ACOXL: variants seen among roughly 807,000 people sequenced by gnomAD.
The protein encoded by ACOXL is acyl-CoA oxidase like.
Under a neutral mutation model 71.9 loss-of-function variants are expected in ACOXL, and 70 were observed. The ratio of observed to expected loss-of-function variants is 0.97; its 90% CI spans 0.80 to 1.19. The LOEUF is 1.19. ACOXL is among the 50% of genes most tolerant of loss of function. The pLI is 0.00. For synonymous variants in ACOXL, 253 were observed against 281.6 expected (o/e 0.90, Z 1.02); for missense variants, 703 against 736.3 (o/e 0.95, Z 0.52).
chr2:110,778,224 A>G (rs1682890648), intron 2 of ACOXL, among the ~76,000 whole-genome samples: 1 of 152,218 alleles, frequency 6.6e-6, no homozygotes, highest in Non-Finnish European at 1.5e-5. Context: ...AGGCTTGGAT[A>G]GATGAGTCAG....
In ACOXL at chr2:110,774,120, G is replaced by T. The variant is rs954239816; in HGVS notation, c.75+5656G>T. ...TGTAAAAAACCAATAATTATTTCTCGCTACCTTTTGCTAAGTCCCTTCCGT... is the reference window on the plus strand; with the variant it reads ...TGTAAAAAACCAATAATTATTTCTCTCTACCTTTTGCTAAGTCCCTTCCGT... On this transcript the variant is annotated intron_variant, in intron 2 of 17. Coordinates refer to ENST00000439055, the MANE Select transcript of ACOXL (RefSeq NM_001142807.4). 2.6e-5 allele frequency among the ~76,000 whole-genome samples: 4 copies of T among 152,084 alleles called. No individual in the cohort carries two copies. In the East Asian group the frequency reaches 7.7e-4, roughly 29 times the overall value.
chr2:110,983,951 G>A (rs1336372148), intron 12 of ACOXL, among the ~76,000 whole-genome samples: 1 of 152,102 alleles, frequency 6.6e-6, no homozygotes, highest in Non-Finnish European at 1.5e-5. Context: ...CCGGGTTCAA[G>A]TGATTCTCCT....
chr2:110,944,422 T>G (rs140889169), intron 12 of ACOXL, among the ~76,000 whole-genome samples: 2 of 152,100 alleles, frequency 1.3e-5, no homozygotes, highest in Non-Finnish European at 1.5e-5. Flanking sequence ...TTGTGTGTTA[T>G]GGGGGTTTGG....
intron 12 of ACOXL, among the ~76,000 whole-genome samples, chr2:110,941,694 C>A (rs2060875622): frequency 6.6e-6 from 1 of 152,066 alleles, no homozygotes; most frequent in African/African-American, 2.4e-5. Flanking sequence ...GGAAGAAAAT[C>A]AATCTAAAAT....
chr2:110,996,850 A>AGAG (rs2063417977), intron 14 of ACOXL, among the ~76,000 whole-genome samples: 1 of 152,200 alleles, frequency 6.6e-6, no homozygotes, highest in African/African-American at 2.4e-5. Context: ...TGCTTTGGAA[A>AGAG]CAGAAGTGCC....
At chr2:111,028,983 C>A (rs1232473388) in intron 14 of ACOXL, among the ~76,000 whole-genome samples, 1 of 152,204 alleles carries the variant, frequency 6.6e-6, no homozygotes, top group African/African-American at 2.4e-5. Context: ...CACCCTGTTC[C>A]AACTCAGCTC....
chr2:110,931,221 G>T (rs925427752), intron 11 of ACOXL, among the ~76,000 whole-genome samples: 1 of 152,200 alleles, frequency 6.6e-6, no homozygotes, highest in African/African-American at 2.4e-5. Flanking sequence ...TAAGGGTACA[G>T]CAAAGAGTAA....
intron 14 of ACOXL, among the ~76,000 whole-genome samples, chr2:111,013,937 G>T (rs1375996826): frequency 1.3e-5 from 2 of 152,196 alleles, no homozygotes; most frequent in Non-Finnish European, 2.9e-5. Context: ...TGGTTTAATA[G>T]TCAAAACATG....
chr2:110,750,090 G>C (rs1322480813), intron 1 of ACOXL, among the ~76,000 whole-genome samples: 2 of 152,146 alleles, frequency 1.3e-5, no homozygotes, highest in African/African-American at 2.4e-5. Context: ...TGTAGTGCTT[G>C]TCAGGTTTCT....
At chr2:110,786,672 G>A (rs1683998794) in intron 3 of ACOXL, among the ~76,000 whole-genome samples, 1 of 152,196 alleles carries the variant, frequency 6.6e-6, no homozygotes, top group East Asian at 1.9e-4. Flanking sequence ...TGGGTGGGGA[G>A]CCCTCTCCTC....
chr2:111,117,631 G>A lies in ACOXL; in HGVS notation c.1558G>A (p.Asp520Asn). ...TGTTTTGCAGTTGCTGGATTTGTGC[G>A]ACTCGGTGAAGGATGATGCCCGGAG... Reference protein sequence around the residue: ...RIRNQLLDLCDSVKDDARRVI... With the variant: ...RIRNQLLDLCNSVKDDARRVI... The change falls in exon 18 of 18, where the codon GAC becomes AAC. Residue 520 changes from aspartate to asparagine, a missense_variant. Physicochemically the swap from Asp to Asn is conservative, Grantham distance 23 (BLOSUM62 1). Coordinates refer to ENST00000439055, the MANE Select transcript of ACOXL (RefSeq NM_001142807.4). 6.4e-7 allele frequency: 1 copy of A among 1,551,758 alleles called. No individual in the cohort carries two copies. The highest frequency in any genetic ancestry group is 1.2e-5 in the South Asian group (1 of 84,048).
intron 1 of ACOXL, among the ~76,000 whole-genome samples, chr2:110,740,389 C>T (rs902968832): frequency 6.6e-6 from 1 of 152,172 alleles, no homozygotes; most frequent in Non-Finnish European, 1.5e-5. Context: ...GGAGATGGGC[C>T]GGTGAGTGGT....
At chr2:110,980,805 C>T (rs1205123460) in intron 12 of ACOXL, among the ~76,000 whole-genome samples, 18 of 152,194 alleles carry the variant, frequency 1.2e-4, no homozygotes, top group Admixed American at 9.8e-4. Flanking sequence ...TCTCTAAAGC[C>T]GCTCTGCCCG....
At chr2:110,843,855 C>T (rs1691476737) in intron 10 of ACOXL, among the ~76,000 whole-genome samples, 1 of 148,028 alleles carries the variant, frequency 6.8e-6, no homozygotes, top group African/African-American at 2.7e-5. Flanking sequence ...CAACAATAAA[C>T]AAACAAAAAT....
chr2:110,788,380 C>CT (rs1274637153), intron 3 of ACOXL, among the ~76,000 whole-genome samples: 2 of 152,094 alleles, frequency 1.3e-5, no homozygotes, highest in African/African-American at 2.4e-5. Flanking sequence ...GTAAGCCAGA[C>CT]ATAAGAGGAC....
At chr2:110,900,653 A>G (rs1228786425) in intron 10 of ACOXL, among the ~76,000 whole-genome samples, 1 of 152,184 alleles carries the variant, frequency 6.6e-6, no homozygotes, top group African/African-American at 2.4e-5. Context: ...TGGTCCCAGG[A>G]TGGTCTCCTA....
chr2:110,754,801 G>A (rs1679453046), intron 1 of ACOXL, among the ~76,000 whole-genome samples: 1 of 152,182 alleles, frequency 6.6e-6, no homozygotes, highest in South Asian at 2.1e-4. Flanking sequence ...TTATGTACAG[G>A]TTTTAAAAAT....
intron 11 of ACOXL, among the ~76,000 whole-genome samples, chr2:110,913,804 C>T (rs575130565): frequency 1.2e-4 from 19 of 152,162 alleles, no homozygotes; most frequent in South Asian, 4.2e-4. Context: ...CATCACATGG[C>T]GAAAGCAGGA....
chr2:110,939,815 T>C (rs966728542), intron 12 of ACOXL, among the ~76,000 whole-genome samples: 1 of 152,214 alleles, frequency 6.6e-6, no homozygotes, highest in East Asian at 1.9e-4. Context: ...TCAGCTATCA[T>C]TAGTGTTTGC....
Sources: gnomAD v4.1 joint callset for allele counts (sites outside exome capture counted in the v4.1 genomes callset) on GRCh38, gnomAD v4.1.1 for gene constraint, MANE v1.5 for transcripts, NCBI Gene and HGNC (gene_info 2026-07-23, HGNC 2026-07-21) for gene names.